The following ALDH1A3 variants were observed in gnomAD, a reference collection of about 807,000 sequenced individuals.
ALDH1A3 encodes the protein aldehyde dehydrogenase 1 family member A3.
Under a neutral mutation model 57.5 loss-of-function variants are expected in ALDH1A3, and 28 were observed. That is an observed-to-expected ratio of 0.49 (90% CI 0.36 to 0.67). The LOEUF is 0.67. ALDH1A3 is among the 30% of genes least tolerant of loss of function. The pLI, the probability that ALDH1A3 is intolerant of heterozygous loss-of-function variation, is 0.00. For missense variants in ALDH1A3, 507 were observed against 669.4 expected (o/e 0.76, Z 2.68); for synonymous variants, 281 against 264.8 (o/e 1.06, Z -0.59).
At chr15:100,903,701 G>A (rs555541122) in intron 9 of ALDH1A3, among the ~76,000 whole-genome samples, 1 of 152,344 alleles carries the variant, frequency 6.6e-6, no homozygotes, top group South Asian at 2.1e-4. Flanking sequence ...TTGCCCATAG[G>A]AGAGTTAAAA....
Position 100,914,902 on chromosome 15 carries a change from G to A in ALDH1A3, c.*129G>A. 1.3e-6 allele frequency: 1 copy of A among 797,154 alleles called. No individual in the cohort carries two copies. The highest frequency in any genetic ancestry group is 2.0e-6 in the Non-Finnish European group (1 of 501,378). The allele number at this position is 797,154 out of a possible 1,614,324, so 49.4% of individuals were successfully genotyped here. ...TTCTGGAGGCTTTACATCTACTGGAGTTGAATGATTGCTGTTTTCCTCTCA... is the reference window on the plus strand; with the variant it reads ...TTCTGGAGGCTTTACATCTACTGGAATTGAATGATTGCTGTTTTCCTCTCA... On this transcript the variant is annotated 3_prime_UTR_variant, in exon 13 of 13. Transcript: ENST00000329841.
intron 8 of ALDH1A3, 74 bp from the exon 9 acceptor site, chr15:100,900,501 T>G (rs1039546990): frequency 1.5e-6 from 2 of 1,360,570 alleles, no homozygotes; most frequent in African/African-American, 1.4e-5. Context: ...GAATTGCAGC[T>G]GTCACCAGTC....
intron 2 of ALDH1A3, 29 bp downstream of exon 2, chr15:100,885,400 G>C (rs1328047688): frequency 6.6e-7 from 1 of 1,512,618 alleles, no homozygotes; most frequent in Non-Finnish European, 9.2e-7. Flanking sequence ...TTTGCTCTAA[G>C]TAATTCAATT....
intron 9 of ALDH1A3, among the ~76,000 whole-genome samples, chr15:100,901,896 C>T (rs1047763486): frequency 9.2e-5 from 14 of 152,144 alleles, no homozygotes; most frequent in Admixed American, 3.3e-4. Context: ...CCACACACTC[C>T]GACGCCACGT....
chr15:100,883,580 C>T, intron 1 of ALDH1A3, among the ~76,000 whole-genome samples: 1 of 152,090 alleles, frequency 6.6e-6, no homozygotes, highest in Non-Finnish European at 1.5e-5. Flanking sequence ...CAGAGTCTGC[C>T]TCCTGTGCTT....
At chr15:100,884,181 G>A (rs942183193) in intron 1 of ALDH1A3, among the ~76,000 whole-genome samples, 6 of 152,176 alleles carry the variant, frequency 3.9e-5, no homozygotes, top group African/African-American at 1.2e-4. Context: ...TTCTGGCTGG[G>A]CAGCCGGGGA....
intron 12 of ALDH1A3, among the ~76,000 whole-genome samples, chr15:100,910,964 AAC>A (rs1491209189): frequency 6.6e-6 from 1 of 152,116 alleles, no homozygotes; most frequent in Non-Finnish European, 1.5e-5. Flanking sequence ...TTGGCTCCTT[AAC>A]ACCCCCTCGC....
At chr15:100,905,819 T>C (rs1381403958) in intron 10 of ALDH1A3, 132 bp downstream of exon 10, 2 of 1,025,654 alleles carry the variant, frequency 1.9e-6, no homozygotes, top group African/African-American at 1.6e-5. Flanking sequence ...GTTGTCGTTG[T>C]TGTTTTTTCT....
At chr15:100,891,183 G>A (rs2041645961) in intron 3 of ALDH1A3, among the ~76,000 whole-genome samples, 1 of 152,220 alleles carries the variant, frequency 6.6e-6, no homozygotes. Flanking sequence ...CTGCTCTGTG[G>A]ACACTGACTC....
At chr15:100,910,301 A>G (rs1596135669) in intron 12 of ALDH1A3, among the ~76,000 whole-genome samples, 2 of 152,218 alleles carry the variant, frequency 1.3e-5, no homozygotes, top group Admixed American at 6.5e-5. Context: ...CAGAAATTGC[A>G]TTTCCTCCCT....
intron 1 of ALDH1A3, among the ~76,000 whole-genome samples, chr15:100,883,574 G>A (rs1176503664): frequency 1.3e-5 from 2 of 152,102 alleles, no homozygotes; most frequent in Non-Finnish European, 2.9e-5. Flanking sequence ...CCCAGCCAGA[G>A]TCTGCCTCCT....
intron 4 of ALDH1A3, 56 bp downstream of exon 4, chr15:100,892,695 A>G: frequency 1.9e-6 from 3 of 1,554,834 alleles, no homozygotes; most frequent in South Asian, 2.5e-5. Flanking sequence ...ATATCTTTTC[A>G]TTAATCCAGA....
intron 9 of ALDH1A3, among the ~76,000 whole-genome samples, chr15:100,902,415 TTTACTCTGAGAGGAC>T (rs1453053129): frequency 2.0e-5 from 3 of 152,194 alleles, no homozygotes; most frequent in Non-Finnish European, 2.9e-5. Flanking sequence ...GTAATAAGAT[TTTACTCTGAGAGGAC>T]TTACAGCTGT....
Position 100,894,318 on chromosome 15 carries a change from G to T in ALDH1A3, c.666+236G>T. 2.1e-6 allele frequency: 1 copy of T among 473,634 alleles called. No homozygotes were observed. Among genetic ancestry groups the T allele is most frequent in the African/African-American group, 2.0e-5 (1 of 51,200 alleles). The allele number at this position is 473,634 out of a possible 1,614,324, so 29.3% of individuals were successfully genotyped here. On this transcript the variant is annotated intron_variant, in intron 6 of 12. Transcript: ENST00000329841. This position sits in a 1 kb window ranked among gnomAD's most constrained non-coding sequence, Gnocchi z 4.5. ...TGAGAATGCTTAACTCTTATTATGGGCTCAAACCTATGGTTGAGGACCCAG... is the reference window on the plus strand; with the variant it reads ...TGAGAATGCTTAACTCTTATTATGGTCTCAAACCTATGGTTGAGGACCCAG...
chr15:100,879,927 C>A lies in ALDH1A3; in HGVS notation c.20C>A (p.Ala7Asp). Residue 7 changes from alanine to aspartate, a missense_variant, in exon 1 of 13, where the codon GCC (alanine) becomes GAC (aspartate). Ala to Asp is a moderately radical substitution (Grantham distance 126). Coordinates refer to ENST00000329841, the MANE Select transcript of ALDH1A3 (RefSeq NM_000693.4). ...GGAGCCATGGCCACCGCTAACGGGG[C>A]CGTGGAAAACGGGCAGCCGGACAGG... Reference protein sequence around the residue: MATANGAVENGQPDRKP... With the variant: MATANGDVENGQPDRKP... 1.4e-6 allele frequency: 2 copies of A among 1,465,812 alleles called. No individual in the cohort carries two copies. The highest frequency in any genetic ancestry group is 9.0e-7 in the Non-Finnish European group (1 of 1,107,380). 90.8% of individuals were successfully genotyped at this position (1,465,812 alleles called of 1,614,324 possible).
intron 7 of ALDH1A3, among the ~76,000 whole-genome samples, chr15:100,896,429 A>T (rs914633121): frequency 3.9e-5 from 6 of 152,126 alleles, no homozygotes; most frequent in African/African-American, 1.4e-4. Context: ...AAAAAAAACC[A>T]AACTGAATGG....
At chr15:100,892,363 T>G (rs930568954) in intron 3 of ALDH1A3, 147 bp from the exon 4 acceptor site, 13 of 1,044,274 alleles carry the variant, frequency 1.2e-5, no homozygotes, top group Non-Finnish European at 1.7e-5. Flanking sequence ...TTTGGTGTCA[T>G]GCTTTCTGAA....
intron 3 of ALDH1A3, among the ~76,000 whole-genome samples, chr15:100,888,180 C>G (rs112987133): frequency 0.081 from 12,303 of 152,184 alleles, 1,190 homozygotes; most frequent in African/African-American, 0.24. Flanking sequence ...CTCACTGCAG[C>G]CTCTGCCTCC....
Position 100,879,990 on chromosome 15 carries a change from A to T in ALDH1A3, c.83A>T (p.Glu28Val). The T allele has an allele frequency of 6.8e-7, 1 of 1,471,454 alleles. No individual in the cohort carries two copies. The highest frequency in any genetic ancestry group is 9.0e-7 in the Non-Finnish European group (1 of 1,108,990). The allele number at this position is 1,471,454 out of a possible 1,614,324, so 91.1% of individuals were successfully genotyped here. ...PALPRPIRNL[E>V]VKFTKIFINN... ...CTGCCGCGCCCCATCCGCAACCTGG[A>T]GGTCAAGTTCACCAAGGTGAGGCGG... is the stretch of plus-strand genomic sequence containing the variant. The change falls in exon 1 of 13, where the codon GAG becomes GTG. Residue 28 changes from glutamate to valine, a missense_variant. By Grantham distance (121) the Glu-to-Val change is moderately radical. This residue lies in a region of ALDH1A3 where 75 missense variants were observed against 61.0 expected (regional missense o/e 1.23). Coordinates refer to ENST00000329841, the MANE Select transcript of ALDH1A3 (RefSeq NM_000693.4).
Sources: allele counts gnomAD v4.1 joint callset (sites outside exome capture counted in the v4.1 genomes callset), GRCh38; gene constraint gnomAD v4.1.1; regional missense constraint gnomAD v4.1.1; non-coding constraint Gnocchi (gnomAD v3.1); transcripts MANE v1.5; gene names NCBI Gene and HGNC (gene_info 2026-07-23, HGNC 2026-07-21).